The following IGLON5 variants were observed in gnomAD, a reference collection of about 807,000 sequenced individuals.
IGLON5 encodes IgLON family member 5, also known as Ig-like domain-containing protein ENSP00000270642.
IGLON5 carries 16 observed loss-of-function variants against 38.2 expected under a neutral mutation model. The ratio of observed to expected loss-of-function variants is 0.42; its 90% CI spans 0.28 to 0.64. The LOEUF (loss-of-function observed/expected upper bound fraction) is 0.64, where lower values mean the gene tolerates loss of function less well. IGLON5 is among the 30% of genes least tolerant of loss of function. The pLI, the probability that IGLON5 is intolerant of heterozygous loss-of-function variation, is 0.23. For synonymous variants in IGLON5, 207 were observed against 216.4 expected, an observed-to-expected ratio of 0.96 and a Z score of 0.38; for missense variants, 366 against 483.4, an observed-to-expected ratio of 0.76 and a Z score of 2.28.
intron 1 of IGLON5, among the ~76,000 whole-genome samples, chr19:51,315,973 C>T (rs1037592654): frequency 1.3e-5 from 2 of 151,480 alleles, no homozygotes; most frequent in Non-Finnish European, 2.9e-5. Flanking sequence ...GGATTACAGG[C>T]GTGAGCCACC....
chr19:51,317,534 G>A (rs1461107308), intron 1 of IGLON5, among the ~76,000 whole-genome samples: 1 of 152,166 alleles, frequency 6.6e-6, no homozygotes. Context: ...GGGCCCCCTG[G>A]TTATGCAAGG....
At chr19:51,326,075 C>G (rs1375433658) in intron 4 of IGLON5, among the ~76,000 whole-genome samples, 1 of 152,074 alleles carries the variant, frequency 6.6e-6, no homozygotes, top group Admixed American at 6.6e-5. Flanking sequence ...TAGACATCAC[C>G]CACCAGCCCT....
intron 1 of IGLON5, among the ~76,000 whole-genome samples, chr19:51,312,844 C>G (rs1984801262): frequency 6.6e-6 from 1 of 152,128 alleles, no homozygotes; most frequent in African/African-American, 2.4e-5. Context: ...CCAGTAGGGC[C>G]TGGCAGGCAG....
At chr19:51,313,266 C>T (rs1429486822) in intron 1 of IGLON5, among the ~76,000 whole-genome samples, 1 of 152,220 alleles carries the variant, frequency 6.6e-6, no homozygotes, top group Non-Finnish European at 1.5e-5. Flanking sequence ...CCACCTGTCT[C>T]TGTCTCTGTC....
At chr19:51,320,897 G>A (rs1286425463) in intron 1 of IGLON5, among the ~76,000 whole-genome samples, 1 of 152,108 alleles carries the variant, frequency 6.6e-6, no homozygotes, top group Non-Finnish European at 1.5e-5. Flanking sequence ...ATATATTTGT[G>A]TGTATTCACG....
chr19:51,327,269 AG>A lies in IGLON5; in HGVS notation c.767+74del. ...TCTTTAGTCCCTTCGATTGTGAGGCAGGGGGACGGAGCGGGGCGGGGGAAGG... is the reference window on the plus strand; with the variant it reads ...TCTTTAGTCCCTTCGATTGTGAGGCAGGGGACGGAGCGGGGCGGGGGAAGG... On this transcript the variant is annotated intron_variant, in intron 6 of 7. Coordinates refer to ENST00000270642, the MANE Select transcript of IGLON5 (RefSeq NM_001101372.3). The surrounding 1 kb of genome is among the most constrained non-coding windows in gnomAD (Gnocchi z 7.1). The A allele has an allele frequency of 6.6e-7, 1 of 1,523,548 alleles. No individual in the cohort carries two copies. The highest frequency in any genetic ancestry group is 8.9e-7 in the Non-Finnish European group (1 of 1,123,990). 94.4% of individuals were successfully genotyped at this position (1,523,548 alleles called of 1,614,324 possible).
chr19:51,324,416 G>C lies in IGLON5; in HGVS notation c.391+522G>C, dbSNP rs1467107325. Among the ~76,000 whole-genome samples, 1 of 152,178 alleles carries C rather than the reference G, an allele frequency of 6.6e-6. No homozygotes were observed. Among genetic ancestry groups the C allele is most frequent in the Non-Finnish European group, 1.5e-5 (1 of 68,034 alleles). ...CGCCAGATCCAGAGCAGGAGAGATG[G>C]GGCTGGAGAGCTCCACAGTGAGGCG... On this transcript the variant is annotated intron_variant, in intron 3 of 7. Coordinates refer to ENST00000270642, the MANE Select transcript of IGLON5 (RefSeq NM_001101372.3). This position sits in a 1 kb window ranked among gnomAD's most constrained non-coding sequence, Gnocchi z 4.2.
At chr19:51,323,431 G>A (rs937538846) in intron 2 of IGLON5, among the ~76,000 whole-genome samples, 4 of 152,000 alleles carry the variant, frequency 2.6e-5, no homozygotes, top group Non-Finnish European at 2.9e-5. Flanking sequence ...TGACACACAC[G>A]ATCACTCAAT....
rs760742761 is a variant in IGLON5, at chr19:51,327,047, TAGG to T, written c.647-30_647-28del. On this transcript the variant is annotated intron_variant, in intron 5 of 7. Transcript: ENST00000270642. The surrounding 1 kb of genome is among the most constrained non-coding windows in gnomAD (Gnocchi z 7.1). ...CGGGACCCCTTCGTCCCCACGCGGC[TAGG>T]AGAATTCGCTGACCCTTGCCCCTCG... 2 of 1,601,936 alleles carry T rather than the reference TAGG, an allele frequency of 1.2e-6. No individual in the cohort carries two copies. Among genetic ancestry groups the T allele is most frequent in the Admixed American group, 1.7e-5 (1 of 58,554 alleles).
Position 51,325,162 on chromosome 19 carries a change from G to T in IGLON5, c.392-184G>T, listed in dbSNP as rs1442875838. Among the ~76,000 whole-genome samples the T allele has an allele frequency of 6.6e-6, 1 of 151,604 alleles. No homozygotes were observed. Among genetic ancestry groups the T allele is most frequent in the Non-Finnish European group, 1.5e-5 (1 of 67,934 alleles). On this transcript the variant is annotated intron_variant, in intron 3 of 7. Coordinates refer to ENST00000270642, the MANE Select transcript of IGLON5 (RefSeq NM_001101372.3). This position sits in a 1 kb window ranked among gnomAD's most constrained non-coding sequence, Gnocchi z 5.5. Reference sequence around the variant, plus strand: ...AGGGGCTGGGGTACTGGACTCTTGGGTCTGAGGGAAGAGGAACTGCGGGTC... The same window carrying T: ...AGGGGCTGGGGTACTGGACTCTTGGTTCTGAGGGAAGAGGAACTGCGGGTC...
At chr19:51,321,353 ATT>A (rs1985051622) in intron 1 of IGLON5, among the ~76,000 whole-genome samples, 1 of 151,944 alleles carries the variant, frequency 6.6e-6, no homozygotes, top group African/African-American at 2.4e-5. Context: ...AATATTTTGT[ATT>A]TTTAGTAGAG....
At chr19:51,311,997 G>C in intron 1 of IGLON5, 71 bp downstream of exon 1, 1 of 841,070 alleles carries the variant, frequency 1.2e-6, no homozygotes, top group Non-Finnish European at 1.6e-6. Context: ...GGGGGATCAG[G>C]GGTGGGGGTC....
At chr19:51,319,170 G>A (rs571800760) in intron 1 of IGLON5, among the ~76,000 whole-genome samples, 5 of 152,170 alleles carry the variant, frequency 3.3e-5, no homozygotes, top group African/African-American at 9.7e-5. Context: ...GGCAGGGTAC[G>A]TGCCTGTCTG....
chr19:51,320,479 G>T (rs368016568), intron 1 of IGLON5, among the ~76,000 whole-genome samples: 1 of 152,180 alleles, frequency 6.6e-6, no homozygotes, highest in Non-Finnish European at 1.5e-5. Flanking sequence ...CACCGCCTCC[G>T]CATGCCCAGC....
intron 1 of IGLON5, among the ~76,000 whole-genome samples, chr19:51,313,647 TTTTCTTTCTTTCTTTCTTTC>T (rs1555750477): frequency 3.4e-5 from 4 of 116,160 alleles, no homozygotes; most frequent in South Asian, 6.0e-4. Context: ...CTCTCTCTCT[TTTTCTTTCTTTCTTTCTTTC>T]TTTCTTTCTT....
intron 4 of IGLON5, among the ~76,000 whole-genome samples, chr19:51,326,033 G>C (rs139335610): frequency 6.6e-6 from 1 of 152,000 alleles, no homozygotes; most frequent in African/African-American, 2.4e-5. Context: ...CACAAACGGC[G>C]CCAGAGTGCC....
rs762610924 is a variant in IGLON5, at chr19:51,326,754, C to T, written c.512-10C>T. On this transcript the variant is annotated splice_polypyrimidine_tract_variant and intron_variant, in intron 4 of 7. Transcript: ENST00000270642. Reference sequence around the variant, plus strand: ...CCGGCCCCGCCCCCTCCTCCTCCTTCCCCCCACAGACGGCTTCACCTCGGA... The same window carrying T: ...CCGGCCCCGCCCCCTCCTCCTCCTTTCCCCCACAGACGGCTTCACCTCGGA... 18 of 1,543,218 alleles carry T rather than the reference C, an allele frequency of 1.2e-5. No homozygotes were observed. Among genetic ancestry groups the T allele is most frequent in the Admixed American group, 2.0e-5 (1 of 49,694 alleles).
chr19:51,321,899 CTG>C (rs2123524234), intron 1 of IGLON5, among the ~76,000 whole-genome samples, 163 bp from the exon 2 acceptor site: 1 of 152,314 alleles, frequency 6.6e-6, no homozygotes, highest in South Asian at 2.1e-4. Context: ...CAGGAGACGT[CTG>C]TGTCCGCAAG....
intron 1 of IGLON5, among the ~76,000 whole-genome samples, chr19:51,316,588 G>T (rs975430301): frequency 8.0e-5 from 12 of 150,882 alleles, no homozygotes; most frequent in Non-Finnish European, 1.3e-4. Flanking sequence ...CCGCATCCTG[G>T]GTTCAAGCAA....
Sources: gnomAD v4.1 joint callset for allele counts (sites outside exome capture counted in the v4.1 genomes callset) on GRCh38, gnomAD v4.1.1 for gene constraint, Gnocchi (gnomAD v3.1) non-coding constraint, MANE v1.5 for transcripts, NCBI Gene and HGNC (gene_info 2026-07-23, HGNC 2026-07-21) for gene names.